The following TENM1 variants were observed in gnomAD, a reference collection of about 807,000 sequenced individuals.
The protein encoded by TENM1 is teneurin-1.
TENM1 carries 35 observed loss-of-function variants against 174.8 expected under a neutral mutation model. That is an observed-to-expected ratio of 0.20 (90% CI 0.15 to 0.27). The LOEUF is 0.27. Among genes scored for constraint, TENM1 ranks in the 10% least tolerant of loss-of-function variants. The pLI is 1.00. For missense variants in TENM1, 1,633 were observed against 2,130.1 expected (o/e 0.77, Z 4.59); for synonymous variants, 781 against 798.7 (o/e 0.98, Z 0.37).
At chrX:124,416,965 G>A (rs921314041) in intron 25 of TENM1, among the ~76,000 whole-genome samples, 2 of 111,837 alleles carry the variant, frequency 1.8e-5, no homozygotes, top group East Asian at 5.6e-4. Context: ...GAAGCAGAGA[G>A]TAGCCCTCAC....
the TENM1 span, among the ~76,000 whole-genome samples, chrX:125,035,745 G>T: frequency 1.8e-5 from 2 of 111,343 alleles, no homozygotes; most frequent in Non-Finnish European, 3.8e-5. Flanking sequence ...GGTCTGAAAA[G>T]GGTCTGTTAA....
At chrX:125,187,289 A>G in the TENM1 span, among the ~76,000 whole-genome samples, 1 of 112,426 alleles carries the variant, frequency 8.9e-6, no homozygotes, top group Non-Finnish European at 1.9e-5. Context: ...GTCATTTATT[A>G]GTAATGTAAA....
At chrX:124,921,078 C>T (rs2058013844) in intron 1 of TENM1, among the ~76,000 whole-genome samples, 1 of 106,313 alleles carries the variant, frequency 9.4e-6, no homozygotes, top group Admixed American at 1.0e-4. Context: ...ATGCTATCAA[C>T]TCAGGCTTTG....
rs1164178253 is a variant in TENM1 at position 124,411,362 on chromosome X, C to T, written c.4983-4873G>A. Among the ~76,000 whole-genome samples, 4 of 110,333 alleles carry T rather than the reference C, an allele frequency of 3.6e-5. No homozygotes were observed. In the East Asian group the frequency reaches 1.1e-3, roughly 32 times the overall value. On this transcript the variant is annotated intron_variant, in intron 25 of 31. Coordinates refer to ENST00000422452, the Ensembl canonical transcript of TENM1. ...ATGTGTGTGTGTGTGTGTGCACGCA[C>T]GTGTGTGTGTGTTTTCTGGTGAAGG...
intron 3 of TENM1, among the ~76,000 whole-genome samples, chrX:124,740,277 G>C (rs1448428348): frequency 8.9e-6 from 1 of 111,809 alleles, no homozygotes; most frequent in African/African-American, 3.3e-5. Flanking sequence ...GCACAGTTGT[G>C]CAAGAGAAAG....
At chrX:124,976,962 T>C in the TENM1 span, among the ~76,000 whole-genome samples, 1 of 111,911 alleles carries the variant, frequency 8.9e-6, no homozygotes, top group African/African-American at 3.2e-5. Flanking sequence ...CCTCTTCTAA[T>C]ATCCATATTT....
At chrX:124,420,549 C>T (rs2060639790) in exon 25 of TENM1, 2 of 1,212,197 alleles carry the variant, frequency 1.6e-6, no homozygotes, top group Non-Finnish European at 2.2e-6. Flanking sequence ...GCGCCCAAGT[C>T]ACCTTCAGAA....
chrX:124,502,931 T>A (rs776525136), intron 19 of TENM1, among the ~76,000 whole-genome samples: 62 of 111,844 alleles, frequency 5.5e-4, no homozygotes, highest in Non-Finnish European at 1.1e-3. Flanking sequence ...TCCCTTAGTT[T>A]GGTCAGTTCA....
intron 5 of TENM1, among the ~76,000 whole-genome samples, chrX:124,680,696 G>A (rs2052213247): frequency 9.0e-6 from 1 of 111,359 alleles, no homozygotes; most frequent in South Asian, 3.7e-4. Flanking sequence ...GAATAACGTA[G>A]CAAAAATATA....
At chrX:125,022,946 CG>C in the TENM1 span, among the ~76,000 whole-genome samples, 1 of 110,922 alleles carries the variant, frequency 9.0e-6, no homozygotes, top group East Asian at 2.8e-4. Context: ...TAATGGGTTA[CG>C]GAAGTACAGG....
intron 18 of TENM1, among the ~76,000 whole-genome samples, chrX:124,508,024 A>C (rs1045696492): frequency 1.8e-5 from 2 of 112,666 alleles, no homozygotes; most frequent in Non-Finnish European, 3.7e-5. Context: ...TATAGCAATA[A>C]ATATTTTCCA....
In TENM1 at chrX:124,643,758, A is replaced by G. The variant is rs189389286; in HGVS notation, c.1876+1385T>C. On this transcript the variant is annotated intron_variant, in intron 10 of 31. Coordinates refer to ENST00000422452, the Ensembl canonical transcript of TENM1. ...TTAATATCTTGGTTATTCTACAGAT[A>G]TTCTTAGTGACCCCGGAGAAGACAA... Among the ~76,000 whole-genome samples the G allele has an allele frequency of 5.7e-3, 626 of 110,379 alleles. 5 individuals are homozygous for G. Among genetic ancestry groups the G allele is most frequent in the African/African-American group, 0.02 (607 of 30,423 alleles).
chrX:125,063,271 T>C, the TENM1 span, among the ~76,000 whole-genome samples: 3 of 111,950 alleles, frequency 2.7e-5, no homozygotes, highest in East Asian at 8.4e-4. Context: ...AAACTACGTA[T>C]GGACTTCAAT....
the TENM1 span, among the ~76,000 whole-genome samples, chrX:125,147,210 A>G: frequency 9.1e-6 from 1 of 109,515 alleles, no homozygotes; most frequent in Non-Finnish European, 1.9e-5. Context: ...ATATACATAC[A>G]CACAGACACA....
At chrX:124,428,830 C>T (rs763082535) in intron 23 of TENM1, among the ~76,000 whole-genome samples, 1 of 112,037 alleles carries the variant, frequency 8.9e-6, no homozygotes, top group East Asian at 2.8e-4. Flanking sequence ...TCAATTGTCC[C>T]TGTGCCACCT....
rs779522380 is a variant in TENM1, at chrX:124,530,471, A to G, written c.2652-488T>C. On this transcript the variant is annotated intron_variant, in intron 15 of 31. Transcript: ENST00000422452. ...TAATACATAAATATATTGTAAGATA[A>G]GACTAAAGTCCCTACTGACCGCCTT... is the stretch of plus-strand genomic sequence containing the variant. Among the ~76,000 whole-genome samples, 193 of 111,446 alleles carry G rather than the reference A, an allele frequency of 1.7e-3. 1 individual carries two copies. The highest frequency in any genetic ancestry group is 5.9e-3 in the African/African-American group (180 of 30,704).
At chrX:125,005,571 T>C in the TENM1 span, among the ~76,000 whole-genome samples, 1 of 110,316 alleles carries the variant, frequency 9.1e-6, no homozygotes, top group Non-Finnish European at 1.9e-5. Flanking sequence ...AATATTCCAA[T>C]GATAGAAACT....
At chrX:124,796,885 G>T (rs1438471485) in intron 3 of TENM1, among the ~76,000 whole-genome samples, 1 of 111,058 alleles carries the variant, frequency 9.0e-6, no homozygotes, top group African/African-American at 3.3e-5. Flanking sequence ...ATTTTACCTT[G>T]GTGTTTAAAG....
At chrX:124,629,240 G>A (rs752491556) in intron 11 of TENM1, among the ~76,000 whole-genome samples, 2 of 112,425 alleles carry the variant, frequency 1.8e-5, no homozygotes, top group South Asian at 3.6e-4. Flanking sequence ...TAAAGGTAGT[G>A]AAGAGGCAGA....
Sources: gnomAD v4.1 joint callset for allele counts (sites outside exome capture counted in the v4.1 genomes callset) on GRCh38, gnomAD v4.1.1 for gene constraint, MANE v1.5 for transcripts, NCBI Gene and HGNC (gene_info 2026-07-23, HGNC 2026-07-21) for gene names.